The following ASCC1 variants were observed in gnomAD, a reference collection of about 807,000 sequenced individuals.
ASCC1 encodes ASC-1 complex subunit P50.
ASCC1 carries 35 observed loss-of-function variants against 46.6 expected under a neutral mutation model. The observed-to-expected ratio is 0.75, with a 90% confidence interval of 0.57 to 0.99. The LOEUF is 0.99. ASCC1 is among the 50% of genes least tolerant of loss of function. The pLI, the probability that ASCC1 is intolerant of heterozygous loss-of-function variation, is 0.00. For synonymous variants in ASCC1, 143 were observed against 146.6 expected, an observed-to-expected ratio of 0.98 and a Z score of 0.18; for missense variants, 376 against 428.7, an observed-to-expected ratio of 0.88 and a Z score of 1.09.
intron 5 of ASCC1, among the ~76,000 whole-genome samples, chr10:72,166,455 C>A (rs115000695): frequency 0.03 from 4,278 of 143,174 alleles, 197 homozygotes; most frequent in African/African-American, 0.11. Context: ...AAACATGTTT[C>A]TTTTTGTAGA....
intron 7 of ASCC1, among the ~76,000 whole-genome samples, chr10:72,144,320 G>A (rs549148234): frequency 9.9e-5 from 15 of 152,168 alleles, no homozygotes; most frequent in Admixed American, 4.6e-4. Flanking sequence ...ATTCAGTTAC[G>A]CCAACTTTCT....
chr10:72,133,128 A>G lies in ASCC1; in HGVS notation c.800T>C (p.Ile267Thr). The part of the protein sequence containing the change: ...VLERFQASGL[I>T]VKEWNSVKLH... ...TTTCACACTATTCCACTCTTTCACT[A>G]TTAGTCCAGATGCCTGAAAACGTTC... Residue 267 changes from isoleucine (I) to threonine (T), a missense_variant, in exon 8 of 10, where the codon ATA becomes ACA. By Grantham distance (89) the Ile-to-Thr change is moderately conservative. Coordinates refer to ENST00000672957, the MANE Select transcript of ASCC1 (RefSeq NM_001198800.3). The G allele has an allele frequency of 6.2e-7, 1 of 1,613,990 alleles. No homozygotes were observed. The highest frequency in any genetic ancestry group is 8.5e-7 in the Non-Finnish European group (1 of 1,179,836).
chr10:72,100,134 T>C (rs577077208), intron 9 of ASCC1, among the ~76,000 whole-genome samples: 1 of 152,276 alleles, frequency 6.6e-6, no homozygotes, highest in African/African-American at 2.4e-5. Flanking sequence ...ATGTCACCCT[T>C]CCTACCTCTG....
At chr10:72,125,571 G>A (rs190201991) in intron 9 of ASCC1, among the ~76,000 whole-genome samples, 7 of 152,246 alleles carry the variant, frequency 4.6e-5, no homozygotes, top group Non-Finnish European at 8.8e-5. Context: ...CCAAAAGGTG[G>A]GTGGACTATG....
chr10:72,184,694 A>G (rs1365075896), intron 5 of ASCC1, among the ~76,000 whole-genome samples: 1 of 151,994 alleles, frequency 6.6e-6, no homozygotes, highest in Non-Finnish European at 1.5e-5. Flanking sequence ...CCGCAACTAA[A>G]AGAACAAGTA....
intron 9 of ASCC1, chr10:72,102,367 T>C (rs1219140512): frequency 1.3e-6 from 2 of 1,549,786 alleles, no homozygotes; most frequent in South Asian, 2.4e-5. Flanking sequence ...CCCTTCTCGA[T>C]TCTAGGATTT....
intron 5 of ASCC1, among the ~76,000 whole-genome samples, chr10:72,162,337 A>AT (rs1849797015): frequency 6.6e-6 from 1 of 151,514 alleles, no homozygotes; most frequent in African/African-American, 2.4e-5. Flanking sequence ...CGCCCGGCTA[A>AT]TTTTTTTGTA....
At chr10:72,168,368 AC>A (rs1218579499) in intron 5 of ASCC1, among the ~76,000 whole-genome samples, 2 of 152,184 alleles carry the variant, frequency 1.3e-5, no homozygotes, top group Non-Finnish European at 2.9e-5. Flanking sequence ...TTAAAACTAC[AC>A]TGAATATCAT....
chr10:72,135,898 G>GA (rs1846127564), intron 7 of ASCC1, among the ~76,000 whole-genome samples: 1 of 152,174 alleles, frequency 6.6e-6, no homozygotes, highest in Non-Finnish European at 1.5e-5. Context: ...AAGGACTGGA[G>GA]AAAATCTGTA....
intron 9 of ASCC1, among the ~76,000 whole-genome samples, chr10:72,100,384 C>A (rs1418238798): frequency 1.3e-5 from 2 of 152,108 alleles, no homozygotes; most frequent in African/African-American, 2.4e-5. Flanking sequence ...CACCACCACA[C>A]CCAGATAATT....
intron 5 of ASCC1, among the ~76,000 whole-genome samples, chr10:72,162,596 C>T (rs1214321366): frequency 6.6e-6 from 1 of 152,084 alleles, no homozygotes; most frequent in African/African-American, 2.4e-5. Context: ...CAGCCTCCTG[C>T]ATAGCTGGGA....
chr10:72,175,796 C>T (rs1785026964), intron 5 of ASCC1, among the ~76,000 whole-genome samples: 1 of 152,216 alleles, frequency 6.6e-6, no homozygotes, highest in Non-Finnish European at 1.5e-5. Context: ...CACTATTCCT[C>T]CATAGTTACT....
At chr10:72,189,363 G>A (rs939684134) in intron 5 of ASCC1, among the ~76,000 whole-genome samples, 2 of 151,718 alleles carry the variant, frequency 1.3e-5, no homozygotes, top group Non-Finnish European at 2.9e-5. Context: ...AGCAGAGATC[G>A]AGCCACTGCA....
chr10:72,210,524 C>G (rs1457270326), intron 3 of ASCC1, among the ~76,000 whole-genome samples: 2 of 152,150 alleles, frequency 1.3e-5, no homozygotes, highest in African/African-American at 4.8e-5. Context: ...CAAGAATGGC[C>G]TAACACAAGA....
intron 8 of ASCC1, among the ~76,000 whole-genome samples, chr10:72,128,723 C>G (rs1026921634): frequency 6.6e-6 from 1 of 152,174 alleles, no homozygotes; most frequent in Non-Finnish European, 1.5e-5. Flanking sequence ...AATCTATGAC[C>G]TTAGCCTAAA....
chr10:72,162,158 A>G (rs1439051794), intron 5 of ASCC1, among the ~76,000 whole-genome samples: 2 of 151,944 alleles, frequency 1.3e-5, no homozygotes, highest in Non-Finnish European at 2.9e-5. Flanking sequence ...GAAATCTAAT[A>G]TTTTTATTTT....
chr10:72,133,210 A>G lies in ASCC1; in HGVS notation c.747-29T>C, dbSNP rs565054047. On this transcript the variant is annotated intron_variant, in intron 7 of 9. Transcript: ENST00000672957. ...GAGAAATTGGAGAAAAGTAATGCAG[A>G]AATCTTAGTAAACTTCTGAACATGC... 4.3e-6 allele frequency: 7 copies of G among 1,612,700 alleles called. No individual in the cohort carries two copies. In the South Asian group the frequency reaches 7.7e-5, roughly 18 times the overall value.
chr10:72,140,353 G>T (rs958395960), intron 7 of ASCC1, among the ~76,000 whole-genome samples: 1 of 152,138 alleles, frequency 6.6e-6, no homozygotes, highest in African/African-American at 2.4e-5. Flanking sequence ...GCACTAGATA[G>T]TGGGAGATAA....
At chr10:72,108,414 G>A (rs1842594160) in intron 9 of ASCC1, among the ~76,000 whole-genome samples, 1 of 152,092 alleles carries the variant, frequency 6.6e-6, no homozygotes, top group Non-Finnish European at 1.5e-5. Context: ...AAAACAAGCT[G>A]TACAGAAAAG....
Sources: gnomAD v4.1 joint callset for allele counts (sites outside exome capture counted in the v4.1 genomes callset) on GRCh38, gnomAD v4.1.1 for gene constraint, MANE v1.5 for transcripts, NCBI Gene and HGNC (gene_info 2026-07-23, HGNC 2026-07-21) for gene names.